HS3ST5: variants seen among roughly 807,000 people sequenced by gnomAD.
HS3ST5 encodes heparan sulfate glucosamine 3-O-sulfotransferase 5.
In HS3ST5, 10 loss-of-function variants were observed where a neutral mutation model predicts 25.4. The observed-to-expected ratio is 0.39, with a 90% CI of 0.24 to 0.67. The LOEUF (loss-of-function observed/expected upper bound fraction) is 0.67. HS3ST5 is among the 30% of genes least tolerant of loss of function. HS3ST5 has a pLI of 0.44. For missense variants in HS3ST5, 324 were observed against 420.7 expected, an observed-to-expected ratio of 0.77 and a Z score of 2.01; for synonymous variants, 170 against 162.4, an observed-to-expected ratio of 1.05 and a Z score of -0.36.
intron 3 of HS3ST5, among the ~76,000 whole-genome samples, chr6:114,074,218 A>C (rs987038238): frequency 7.9e-5 from 12 of 152,012 alleles, no homozygotes; most frequent in African/African-American, 2.9e-4. Context: ...GGGTACAGCA[A>C]ACCAACATGG....
chr6:114,275,084 C>T (rs1562260775), intron 1 of HS3ST5, among the ~76,000 whole-genome samples: 2 of 151,930 alleles, frequency 1.3e-5, no homozygotes, highest in Middle Eastern at 3.4e-3. Context: ...TCCCTTCTCC[C>T]CCTCTCTTGC....
At chr6:114,202,936 G>T (rs1174978614) in intron 2 of HS3ST5, among the ~76,000 whole-genome samples, 1 of 152,126 alleles carries the variant, frequency 6.6e-6, no homozygotes, top group African/African-American at 2.4e-5. Flanking sequence ...TTATCTTCTA[G>T]GCTTTCAGGC....
At chr6:114,060,617 A>G (rs575654845) in intron 4 of HS3ST5, among the ~76,000 whole-genome samples, 1 of 152,316 alleles carries the variant, frequency 6.6e-6, no homozygotes. Context: ...AGAATTGAGG[A>G]AACAGTCACT....
intron 1 of HS3ST5, among the ~76,000 whole-genome samples, chr6:114,287,222 C>T (rs1274266472): frequency 6.6e-6 from 1 of 151,910 alleles, no homozygotes; most frequent in Non-Finnish European, 1.5e-5. Flanking sequence ...ATTTTAATAA[C>T]ATTGAGCACT....
At chr6:114,116,858 A>C (rs1776555628) in intron 3 of HS3ST5, among the ~76,000 whole-genome samples, 1 of 152,068 alleles carries the variant, frequency 6.6e-6, no homozygotes, top group African/African-American at 2.4e-5. Flanking sequence ...TTTAGCACTT[A>C]CTGTATTATA....
chr6:114,087,115 G>C (rs1317726673), intron 3 of HS3ST5, among the ~76,000 whole-genome samples: 2 of 152,158 alleles, frequency 1.3e-5, no homozygotes, highest in African/African-American at 4.8e-5. Context: ...CTGCGGCAAA[G>C]TGGAGCCACT....
At chr6:114,198,926 T>G (rs892501938) in intron 2 of HS3ST5, among the ~76,000 whole-genome samples, 1 of 152,132 alleles carries the variant, frequency 6.6e-6, no homozygotes, top group Non-Finnish European at 1.5e-5. Flanking sequence ...AGAGACTCAG[T>G]GCCCTCGAGC....
intron 1 of HS3ST5, among the ~76,000 whole-genome samples, chr6:114,329,113 T>A (rs1776289166): frequency 6.6e-6 from 1 of 152,212 alleles, no homozygotes; most frequent in Admixed American, 6.5e-5. Flanking sequence ...GTCACTATAA[T>A]CTCTACCATC....
At chr6:114,101,173 A>C (rs1775710079) in intron 3 of HS3ST5, among the ~76,000 whole-genome samples, 1 of 152,238 alleles carries the variant, frequency 6.6e-6, no homozygotes, top group African/African-American at 2.4e-5. Context: ...AGATTTCTAA[A>C]TAATGAATCA....
intron 3 of HS3ST5, among the ~76,000 whole-genome samples, chr6:114,160,245 T>A (rs1778881836): frequency 6.6e-6 from 1 of 152,130 alleles, no homozygotes; most frequent in South Asian, 2.1e-4. Context: ...GTTGACACCA[T>A]GATTATTTTT....
chr6:114,262,689 TA>T (rs751489746), intron 1 of HS3ST5, among the ~76,000 whole-genome samples: 11 of 152,122 alleles, frequency 7.2e-5, no homozygotes, highest in Non-Finnish European at 1.6e-4. Context: ...TATTTACCTT[TA>T]AAAATGTATT....
chr6:114,322,744 A>G (rs1261136864), intron 1 of HS3ST5, among the ~76,000 whole-genome samples: 1 of 152,154 alleles, frequency 6.6e-6, no homozygotes, highest in Non-Finnish European at 1.5e-5. Context: ...GGTTTATTTC[A>G]CTTACCCACA....
At chr6:114,076,223 A>G (rs1336271123) in intron 3 of HS3ST5, among the ~76,000 whole-genome samples, 2 of 152,202 alleles carry the variant, frequency 1.3e-5, no homozygotes, top group Admixed American at 1.3e-4. Context: ...CCCTGCTGCT[A>G]TGTGACTTTG....
At chr6:114,115,817 A>C (rs1257370691) in intron 3 of HS3ST5, among the ~76,000 whole-genome samples, 2 of 152,094 alleles carry the variant, frequency 1.3e-5, no homozygotes, top group Non-Finnish European at 2.9e-5. Flanking sequence ...GGTGAAGGGT[A>C]AGTATTTTAG....
chr6:114,098,704 T>C (rs1775573439), intron 3 of HS3ST5, among the ~76,000 whole-genome samples: 3 of 152,036 alleles, frequency 2.0e-5, no homozygotes, highest in African/African-American at 4.8e-5. Context: ...ATTGTTATTC[T>C]GGATAATATC....
chr6:114,165,876 G>A (rs1468293514), intron 3 of HS3ST5, among the ~76,000 whole-genome samples: 1 of 152,044 alleles, frequency 6.6e-6, no homozygotes. Flanking sequence ...TACATGAAAT[G>A]ATGTATGTAA....
chr6:114,326,969 T>C (rs1776199612), intron 1 of HS3ST5, among the ~76,000 whole-genome samples: 1 of 152,210 alleles, frequency 6.6e-6, no homozygotes. Context: ...ATATTCAAAA[T>C]AACTCTTAAA....
chr6:114,170,854 T>C (rs1700591214), intron 2 of HS3ST5, among the ~76,000 whole-genome samples: 1 of 152,296 alleles, frequency 6.6e-6, no homozygotes. Flanking sequence ...TAAACATAAT[T>C]AGCTAAAGTT....
In HS3ST5 at chr6:114,084,519, A is replaced by G. The variant is rs929357291; in HGVS notation, c.-32-21642T>C. On this transcript the variant is annotated intron_variant, in intron 3 of 4. Transcript: ENST00000312719. ...TGCCACGCATGCGCAGAACTTCCCGAGCCGGCGTCCACCGCATCACACCCG... is the reference window on the plus strand; with the variant it reads ...TGCCACGCATGCGCAGAACTTCCCGGGCCGGCGTCCACCGCATCACACCCG... The G allele has an allele frequency of 1.7e-5, 13 of 759,220 alleles. No individual in the cohort carries two copies. In the African/African-American group the frequency reaches 2.0e-4, roughly 12 times the overall value. The allele number at this position is 759,220 out of a possible 1,614,324, so 47.0% of individuals were successfully genotyped here. A position where few individuals can be genotyped will look rare whatever the true frequency, so the allele number is the denominator to read the frequency against.
Sources: allele counts gnomAD v4.1 joint callset (sites outside exome capture counted in the v4.1 genomes callset), GRCh38; gene constraint gnomAD v4.1.1; transcripts MANE v1.5; gene names NCBI Gene and HGNC (gene_info 2026-07-23, HGNC 2026-07-21).